The following MSH6 variants were observed in gnomAD, a reference collection of about 807,000 sequenced individuals.
The protein encoded by MSH6 is mutS homolog 6.
In MSH6, 85 loss-of-function variants were observed where a neutral mutation model predicts 119.1. The ratio of observed to expected loss-of-function variants is 0.71; its 90% CI spans 0.60 to 0.85. The LOEUF is 0.85. MSH6 is among the 40% of genes least tolerant of loss of function. MSH6 has a pLI of 0.00. For synonymous variants in MSH6, 830 were observed against 586.9 expected (o/e 1.41, Z -5.99); for missense variants, 2,163 against 1,655.3 (o/e 1.31, Z -5.32).
At chr2:47,788,934 T>TTTTTTG in intron 1 of MSH6, among the ~76,000 whole-genome samples, 1 of 99,654 alleles carries the variant, frequency 1.0e-5, no homozygotes, top group Non-Finnish European at 2.0e-5. Context: ...TTTTTTTTTT[T>TTTTTTG]TTTTTTTTTT....
intron 2 of MSH6, among the ~76,000 whole-genome samples, chr2:47,794,645 C>G (rs1668958037): frequency 6.6e-6 from 1 of 151,950 alleles, no homozygotes; most frequent in South Asian, 2.1e-4. Context: ...ACTGGGCTGC[C>G]CTTTCAAAAT....
rs587780676 is a variant in MSH6, at chr2:47,801,162, C to T, written c.3172+7C>T. ...GAGTGTATCGCAGTGTTGGGTAAGA[C>T]TTTGAACAAGCTTGTTCTCAGGCTT... On this transcript the variant is annotated splice_region_variant and intron_variant, in intron 4 of 9. Transcript: ENST00000234420. The T allele has an allele frequency of 1.9e-6, 3 of 1,608,144 alleles. No individual in the cohort carries two copies. The highest frequency in any genetic ancestry group is 1.6e-4 in the Middle Eastern group (1 of 6,062).
In MSH6 at chr2:47,800,006, G is replaced by A. The variant is rs878853713; in HGVS notation, c.2023G>A (p.Glu675Lys). 4.3e-6 allele frequency: 7 copies of A among 1,614,032 alleles called. No homozygotes were observed. Among genetic ancestry groups the A allele is most frequent in the Non-Finnish European group, 5.9e-6 (7 of 1,180,032 alleles). ...TGATTCCATTGGGTTGACACCAGGA[G>A]AGAAAAGTGAATTGGCCCTCTCTGC... ...ESDSIGLTPG[E>K]KSELALSALG... is the part of the protein sequence containing the mutation. Residue 675 changes from glutamate to lysine, a missense_variant, in exon 4 of 10, where the codon GAG (glutamate) becomes AAG (lysine). By Grantham distance (56) the Glu-to-Lys change is moderately conservative. Coordinates refer to ENST00000234420, the MANE Select transcript of MSH6 (RefSeq NM_000179.3).
chr2:47,792,038 G>C (rs1327282171), intron 2 of MSH6, among the ~76,000 whole-genome samples: 1 of 152,090 alleles, frequency 6.6e-6, no homozygotes, highest in Non-Finnish European at 1.5e-5. Context: ...TAGAGATGGG[G>C]TTTCACCATG....
intron 1 of MSH6, chr2:47,783,950 G>C (rs951507368): frequency 1.9e-6 from 2 of 1,030,974 alleles, no homozygotes; most frequent in East Asian, 5.7e-5. Context: ...GAGGCCGAAC[G>C]GGGAGAGTCC....
rs139887193 is a variant in MSH6, at chr2:47,804,785, C to T, written c.3439-125C>T. Reference sequence around the variant, plus strand: ...CAAATGGATTTCAGAACAGAACCAACGTACATGTGATTGTGAAAGTTGTTT... The same window carrying T: ...CAAATGGATTTCAGAACAGAACCAATGTACATGTGATTGTGAAAGTTGTTT... On this transcript the variant is annotated intron_variant, in intron 5 of 9. Transcript: ENST00000234420. 60 of 781,460 alleles carry T rather than the reference C, an allele frequency of 7.7e-5. No homozygotes were observed. In the East Asian group the frequency reaches 9.4e-4, roughly 12 times the overall value. The allele number at this position is 781,460 out of a possible 1,614,324, so 48.4% of individuals were successfully genotyped here.
downstream of MSH6, chr2:47,808,534 A>C (rs2710163): frequency 1.1e-6 from 1 of 900,522 alleles, no homozygotes. Context: ...GGACCAAAAC[A>C]AAATTCTTTG....
At position 47,803,493 on chromosome 2, in the gene MSH6, G is replaced by A. The variant is rs3136351; in HGVS notation, c.3246G>A (p.Pro1082=). ...GPMCRPVILL[P]EDTPPFLELK... ...TGTGTCGCCCAGTAATTCTGTTGCCGGAAGATACCCCCCCCTTCTTAGAGC... is the reference window on the plus strand; with the variant it reads ...TGTGTCGCCCAGTAATTCTGTTGCCAGAAGATACCCCCCCCTTCTTAGAGC... The change falls in exon 5 of 10, where the codon CCG becomes CCA. Residue 1082 remains proline (P), a synonymous_variant. Transcript: ENST00000234420. The A allele has an allele frequency of 7.3e-5, 118 of 1,613,914 alleles. No individual in the cohort carries two copies. Among genetic ancestry groups the A allele is most frequent in the South Asian group, 9.9e-5 (9 of 91,070 alleles).
At position 47,799,085 on chromosome 2, in the gene MSH6, G is replaced by A. The variant is rs1572721686; in HGVS notation, c.1102G>A (p.Glu368Lys). ...TAGTCGCCCTACTGTTTGGTATCAT[G>A]AAACTTTAGAATGGCTTAAGGAGGA... ...DSSRPTVWYH[E>K]TLEWLKEEKR... Residue 368 changes from glutamate (E) to lysine (K), a missense_variant, in exon 4 of 10, where the codon GAA becomes AAA. Transcript: ENST00000234420. 1 of 1,614,172 alleles carries A rather than the reference G, an allele frequency of 6.2e-7. No homozygotes were observed.
At chr2:47,783,644 G>A in intron 1 of MSH6, 151 bp downstream of exon 1, 1 of 761,048 alleles carries the variant, frequency 1.3e-6, no homozygotes. Flanking sequence ...TTGAATGAGT[G>A]CAGGGGTCGA....
rs267608065 is a variant in MSH6 at position 47,800,329 on chromosome 2, CTG to C, written c.2348_2349del (p.Cys783Ter). 1.2e-6 allele frequency: 2 copies of C among 1,614,154 alleles called. No individual in the cohort carries two copies. The highest frequency in any genetic ancestry group is 1.7e-6 in the Non-Finnish European group (2 of 1,180,030). On this transcript the variant is annotated frameshift_variant, in exon 4 of 10. Transcript: ENST00000234420. LOFTEE classifies it high-confidence loss of function. ...LLKQWLCAPL[C>X]NHYAINDRLD... ...TAAAGCAATGGCTTTGTGCCCCACT[CTG>C]TAACCATTATGCTATTAATGATCGT... is the stretch of plus-strand genomic sequence containing the variant.
intron 1 of MSH6, among the ~76,000 whole-genome samples, chr2:47,789,128 C>G (rs958844277): frequency 1.4e-5 from 2 of 147,024 alleles, no homozygotes; most frequent in South Asian, 2.2e-4. Context: ...GTTTCACCAT[C>G]TTGGCCAGGC....
chr2:47,808,722 T>G (rs1192763059), downstream of MSH6: 1 of 336,092 alleles, frequency 3.0e-6, no homozygotes, highest in Non-Finnish European at 5.4e-6. Context: ...GCGTGAAGAG[T>G]CAAAACTGTC....
At chr2:47,789,522 T>A in intron 1 of MSH6, 1 of 428,358 alleles carries the variant, frequency 2.3e-6, no homozygotes, top group South Asian at 1.8e-5. Context: ...TTTTAAAGCA[T>A]GAGACCTCAT....
downstream of MSH6, chr2:47,810,077 C>T (rs1670510944): frequency 6.0e-6 from 3 of 499,934 alleles, no homozygotes; most frequent in South Asian, 1.0e-4. Flanking sequence ...TTTATTCTAT[C>T]CCAATAAATG....
chr2:47,805,525 G>T, intron 6 of MSH6, 93 bp from the exon 7 acceptor site: 1 of 872,336 alleles, frequency 1.1e-6, no homozygotes, highest in East Asian at 2.4e-5. Context: ...ATACCAATAT[G>T]TGTAGCTCAT....
chr2:47,788,081 TTTAA>T (rs1455867424), intron 1 of MSH6, among the ~76,000 whole-genome samples: 1 of 152,116 alleles, frequency 6.6e-6, no homozygotes, highest in Admixed American at 6.6e-5. Flanking sequence ...TTACTACCTG[TTTAA>T]TTATCTTTTT....
rs374387932 is a variant in MSH6, at chr2:47,801,202, G to A, written c.3172+47G>A. 6 of 1,589,478 alleles carry A rather than the reference G, an allele frequency of 3.8e-6. No individual in the cohort carries two copies. The African/African-American group carries it at 8.0e-5, about 21-fold the overall frequency. ...TTCTCAGGCTTTGATAAGTAGTGCT[G>A]TTTGCCAGCTGTATATTATCCCTAA... is the stretch of plus-strand genomic sequence containing the variant. On this transcript the variant is annotated intron_variant, in intron 4 of 9. Transcript: ENST00000234420.
At chr2:47,806,721 G>C (rs1262833273) in intron 9 of MSH6, 58 bp from the exon 10 acceptor site, 1 of 1,565,972 alleles carries the variant, frequency 6.4e-7, no homozygotes, top group Non-Finnish European at 8.7e-7. Context: ...AAAAGGGGAA[G>C]GGATGATGCA....
Sources: allele counts gnomAD v4.1 joint callset (sites outside exome capture counted in the v4.1 genomes callset), GRCh38; gene constraint gnomAD v4.1.1; transcripts MANE v1.5; gene names NCBI Gene and HGNC (gene_info 2026-07-23, HGNC 2026-07-21).